FRMPD4: variants seen among roughly 807,000 people sequenced by gnomAD.
FRMPD4 encodes the protein FERM and PDZ domain containing 4.
FRMPD4 carries 22 observed loss-of-function variants against 94.1 expected under a neutral mutation model. The observed-to-expected ratio is 0.23, with a 90% CI of 0.17 to 0.33. The LOEUF (loss-of-function observed/expected upper bound fraction) is 0.33, where lower values mean the gene tolerates loss of function less well. FRMPD4 is among the 10% of genes least tolerant of loss of function. FRMPD4 has a pLI of 1.00. For missense variants in FRMPD4, 1,111 were observed against 1,339.9 expected, an observed-to-expected ratio of 0.83 and a Z score of 2.67; for synonymous variants, 631 against 548.6, an observed-to-expected ratio of 1.15 and a Z score of -2.10.
chrX:12,558,626 T>C (rs1395829907), intron 2 of FRMPD4, among the ~76,000 whole-genome samples: 1 of 107,264 alleles, frequency 9.3e-6, no homozygotes, highest in Non-Finnish European at 1.9e-5. Context: ...TTGCATTCAA[T>C]AGGAGACAGC....
At chrX:12,482,415 T>C (rs1437382320) in intron 1 of FRMPD4, among the ~76,000 whole-genome samples, 2 of 112,134 alleles carry the variant, frequency 1.8e-5, no homozygotes, top group Non-Finnish European at 3.8e-5. Flanking sequence ...TGATTCTTAA[T>C]GTAGTTCTTG....
chrX:12,717,483 G>C lies in FRMPD4; in HGVS notation c.2675-18G>C, dbSNP rs372367670. The C allele has an allele frequency of 4.4e-6, 5 of 1,126,000 alleles. No homozygotes were observed. Among genetic ancestry groups the C allele is most frequent in the Non-Finnish European group, 6.1e-6 (5 of 821,527 alleles). The allele number at this position is 1,126,000 out of a possible 1,213,427, so 92.8% of individuals were successfully genotyped here. On this transcript the variant is annotated intron_variant, in intron 15 of 16. Transcript: ENST00000675598. ...CTGATGCATCCATTAATCAGTTCTTGTTTTTTACGGCATGCAGGTGTAGCC... is the reference window on the plus strand; with the variant it reads ...CTGATGCATCCATTAATCAGTTCTTCTTTTTTACGGCATGCAGGTGTAGCC...
At position 12,139,009 on chromosome X, in the gene FRMPD4, C is replaced by T; in HGVS notation, c.38C>T (p.Ser13Leu). The T allele has an allele frequency of 8.6e-7, 1 of 1,164,324 alleles. No individual in the cohort carries two copies. The highest frequency in any genetic ancestry group is 1.8e-5 in the African/African-American group (1 of 56,395). The change falls in exon 1 of 17, where the codon TCG (serine) becomes TTG (leucine). Residue 13 changes from serine (S) to leucine (L), a missense_variant. By Grantham distance (145) the Ser-to-Leu change is moderately radical. Coordinates refer to ENST00000675598, the MANE Select transcript of FRMPD4 (RefSeq NM_001368397.1). ...AGCTTTGTGAAGATTGCAAAGCTTTCGAGGTAGGGGCTGCGCGGGTTCCGT... is the reference window on the plus strand; with the variant it reads ...AGCTTTGTGAAGATTGCAAAGCTTTTGAGGTAGGGGCTGCGCGGGTTCCGT... ...VFSFVKIAKL[S>L]SHRTKSSGWP...
chrX:11,891,650 A>G (rs1223891349), intron 3 of FRMPD4, among the ~76,000 whole-genome samples: 1 of 112,081 alleles, frequency 8.9e-6, no homozygotes, highest in Non-Finnish European at 1.9e-5. Flanking sequence ...TCTCTGTGTT[A>G]TCATGTTCCT....
chrX:12,201,072 G>A (rs1156861509), intron 1 of FRMPD4, among the ~76,000 whole-genome samples: 2 of 112,123 alleles, frequency 1.8e-5, no homozygotes, highest in Non-Finnish European at 3.8e-5. Context: ...CAGATCACTT[G>A]GAAGGATGGG....
intron 3 of FRMPD4, among the ~76,000 whole-genome samples, chrX:11,962,924 T>C (rs898468168): frequency 8.9e-6 from 1 of 112,043 alleles, no homozygotes; most frequent in African/African-American, 3.2e-5. Flanking sequence ...CTATTTTCTT[T>C]TGTTACCCTG....
At chrX:12,341,768 C>A in intron 1 of FRMPD4, 2 of 204,730 alleles carry the variant, frequency 9.8e-6, no homozygotes, top group Admixed American at 9.7e-5. Flanking sequence ...TTATGTCTCC[C>A]AACAAAATGT....
At chrX:12,344,170 G>C (rs1285089744) in intron 1 of FRMPD4, among the ~76,000 whole-genome samples, 1 of 111,354 alleles carries the variant, frequency 9.0e-6, no homozygotes, top group Non-Finnish European at 1.9e-5. Flanking sequence ...ACCTCAGCAG[G>C]CTGCACCATT....
chrX:11,853,990 A>G (rs2053640144), intron 1 of FRMPD4, among the ~76,000 whole-genome samples: 1 of 112,136 alleles, frequency 8.9e-6, no homozygotes, highest in South Asian at 3.7e-4. Flanking sequence ...GCATGCTGCT[A>G]TGAAGAAATA....
rs141100194 is a variant in FRMPD4 at position 12,326,530 on chromosome X, G to A, written c.42-172150G>A. Among the ~76,000 whole-genome samples the A allele has an allele frequency of 4.7e-3, 531 of 111,810 alleles. 1 individual carries two copies. The highest frequency in any genetic ancestry group is 0.016 in the African/African-American group (488 of 30,717). Reference sequence around the variant, plus strand: ...TCCACATATTGCCAAATGTACACAGGGGGATAAAACTGCCCCTGGCTGAGA... The same window carrying A: ...TCCACATATTGCCAAATGTACACAGAGGGATAAAACTGCCCCTGGCTGAGA... On this transcript the variant is annotated intron_variant, in intron 1 of 16. Coordinates refer to ENST00000675598, the MANE Select transcript of FRMPD4 (RefSeq NM_001368397.1).
intron 1 of FRMPD4, among the ~76,000 whole-genome samples, chrX:12,141,867 T>G (rs1158747408): frequency 8.9e-6 from 1 of 112,448 alleles, no homozygotes; most frequent in African/African-American, 3.2e-5. Context: ...CCAGTAATAG[T>G]ATAAAAACAG....
intron 1 of FRMPD4, among the ~76,000 whole-genome samples, chrX:12,403,971 T>C (rs2056638613): frequency 8.9e-6 from 1 of 111,891 alleles, no homozygotes; most frequent in Non-Finnish European, 1.9e-5. Context: ...TGTGGCCAAG[T>C]GTAAACTTTT....
At position 12,671,370 on chromosome X, in the gene FRMPD4, T is replaced by C. The variant is rs1199065051; in HGVS notation, c.423-3493T>C. On this transcript the variant is annotated intron_variant, in intron 4 of 16. Coordinates refer to ENST00000675598, the MANE Select transcript of FRMPD4 (RefSeq NM_001368397.1). ...TCAATGATAGACTGGATAAAGAAAA[T>C]GTGGCACATATACACCATGGAATAC... Among the ~76,000 whole-genome samples the C allele has an allele frequency of 2.7e-5, 3 of 111,469 alleles. No individual in the cohort carries two copies. In the East Asian group the frequency reaches 8.4e-4, roughly 31 times the overall value.
chrX:12,187,452 T>C (rs774788525), intron 1 of FRMPD4, among the ~76,000 whole-genome samples: 1 of 112,058 alleles, frequency 8.9e-6, no homozygotes, highest in African/African-American at 3.2e-5. Flanking sequence ...GTTTGTTGAA[T>C]GGCTATCCAA....
chrX:12,601,351 T>C (rs1478184151), intron 2 of FRMPD4, among the ~76,000 whole-genome samples: 2 of 111,904 alleles, frequency 1.8e-5, no homozygotes, highest in East Asian at 5.6e-4. Flanking sequence ...TGCAGTTATG[T>C]GTGTTCATAT....
At chrX:12,649,310 C>G (rs2059576240) in intron 4 of FRMPD4, among the ~76,000 whole-genome samples, 1 of 112,035 alleles carries the variant, frequency 8.9e-6, no homozygotes, top group African/African-American at 3.2e-5. Flanking sequence ...TCTGTGTCTT[C>G]TAGAATGCTT....
At chrX:12,340,948 AG>A (rs753550160) in intron 1 of FRMPD4, among the ~76,000 whole-genome samples, 1 of 112,252 alleles carries the variant, frequency 8.9e-6, no homozygotes, top group African/African-American at 3.2e-5. Flanking sequence ...TTCTACTGAT[AG>A]CATCCTGGAG....
chrX:12,442,639 A>G (rs762392831), intron 1 of FRMPD4, among the ~76,000 whole-genome samples: 7 of 111,609 alleles, frequency 6.3e-5, no homozygotes, highest in Non-Finnish European at 1.3e-4. Context: ...GGAATAAATA[A>G]TGGTGCGACC....
chrX:12,689,742 C>T (rs898399045), intron 7 of FRMPD4, among the ~76,000 whole-genome samples: 1 of 112,917 alleles, frequency 8.9e-6, no homozygotes, highest in Non-Finnish European at 1.9e-5. Context: ...CCCATTAAAA[C>T]TTTATTTACA....
Sources: gnomAD v4.1 joint callset for allele counts (sites outside exome capture counted in the v4.1 genomes callset) on GRCh38, gnomAD v4.1.1 for gene constraint, MANE v1.5 for transcripts, NCBI Gene and HGNC (gene_info 2026-07-23, HGNC 2026-07-21) for gene names.